ORC3: variants seen among roughly 807,000 people sequenced by gnomAD.
The protein encoded by ORC3 is origin recognition complex subunit 3, also known as homolog of latheo, Drosophila.
ORC3 carries 78 observed loss-of-function variants against 100.7 expected under a neutral mutation model. The observed-to-expected ratio is 0.77, with a 90% CI of 0.65 to 0.94. ORC3 has a LOEUF of 0.94. Ranked by LOEUF, ORC3 falls within the 40% of genes least tolerant of loss-of-function variation. The probability of loss-of-function intolerance (pLI) is 0.00; values close to 1 mark genes in which losing one functional copy is unlikely to be tolerated. For synonymous variants in ORC3, 295 were observed against 289.3 expected (o/e 1.02, Z -0.20); for missense variants, 789 against 823.9 (o/e 0.96, Z 0.52).
Position 87,594,366 on chromosome 6 carries a change from T to G in ORC3, c.38T>G (p.Phe13Cys). The part of the protein sequence containing the change: ...TSSMSKGCFV[F>C]KPNSKKRKIS... ...TTCTTTTTATAGGGTTGCTTTGTTT[T>G]TAAGCCAAACTCCAAAAAGAGAAAG... is the stretch of plus-strand genomic sequence containing the variant. The change falls in exon 2 of 20, where the codon TTT (phenylalanine) becomes TGT (cysteine). Residue 13 changes from phenylalanine (F) to cysteine (C), a missense_variant. By Grantham distance (205) the Phe-to-Cys change is radical (BLOSUM62 -2). This residue lies in a region of ORC3 where 399 missense variants were observed against 382.0 expected (regional missense o/e 1.04). Transcript: ENST00000392844. 6.3e-7 allele frequency: 1 copy of G among 1,585,898 alleles called. No individual in the cohort carries two copies. The highest frequency in any genetic ancestry group is 8.6e-7 in the Non-Finnish European group (1 of 1,160,496).
downstream of ORC3, among the ~76,000 whole-genome samples, chr6:87,668,082 G>A (rs1030083386): frequency 5.3e-5 from 8 of 152,122 alleles, no homozygotes; most frequent in Non-Finnish European, 8.8e-5. Context: ...ATGACATCTC[G>A]ATCTCTTCTA....
chr6:87,634,747 C>A, intron 11 of ORC3, 98 bp from the exon 12 acceptor site: 1 of 574,232 alleles, frequency 1.7e-6, no homozygotes, highest in Non-Finnish European at 3.1e-6. Flanking sequence ...TGAATCTTGT[C>A]AGTTTTCCAG....
downstream of ORC3, among the ~76,000 whole-genome samples, chr6:87,667,904 G>C (rs1476013051): frequency 6.6e-6 from 1 of 151,770 alleles, no homozygotes; most frequent in East Asian, 1.9e-4. Context: ...CTCCAGCCTG[G>C]GTGACAGAGT....
chr6:87,590,990 C>G (rs1479339354), intron 1 of ORC3, among the ~76,000 whole-genome samples: 1 of 152,110 alleles, frequency 6.6e-6, no homozygotes, highest in African/African-American at 2.4e-5. Flanking sequence ...AAGATAAGCC[C>G]TAGAGCTGTA....
intron 6 of ORC3, among the ~76,000 whole-genome samples, chr6:87,608,212 A>G (rs1778488584): frequency 6.6e-6 from 1 of 152,212 alleles, no homozygotes; most frequent in African/African-American, 2.4e-5. Flanking sequence ...GCTAGTATCC[A>G]CTGTCAACTT....
chr6:87,644,669 C>T (rs975527700), intron 13 of ORC3, among the ~76,000 whole-genome samples: 2 of 151,378 alleles, frequency 1.3e-5, no homozygotes, highest in Admixed American at 6.6e-5. Context: ...GCTAACATGG[C>T]GAAACCCCGT....
At chr6:87,612,300 T>G in intron 8 of ORC3, 52 bp downstream of exon 8, 1 of 1,283,374 alleles carries the variant, frequency 7.8e-7, no homozygotes, top group Non-Finnish European at 1.1e-6. Context: ...AAACTGCCAA[T>G]AATAGATTGT....
intron 17 of ORC3, among the ~76,000 whole-genome samples, chr6:87,663,592 G>C (rs891517816): frequency 1.2e-4 from 19 of 152,340 alleles, no homozygotes; most frequent in African/African-American, 4.3e-4. Context: ...AACAAAGAAA[G>C]GTCTATTCTG....
intron 11 of ORC3, among the ~76,000 whole-genome samples, chr6:87,623,809 G>A (rs1278440965): frequency 1.3e-5 from 2 of 152,056 alleles, no homozygotes; most frequent in African/African-American, 2.4e-5. Context: ...ACTGGAACCT[G>A]GGAGGTGGAG....
intron 1 of ORC3, among the ~76,000 whole-genome samples, chr6:87,592,993 T>G (rs1454036516): frequency 1.3e-5 from 2 of 152,060 alleles, no homozygotes; most frequent in Non-Finnish European, 2.9e-5. Flanking sequence ...CTCAGGAGGC[T>G]GAGGCAGGAG....
chr6:87,648,519 C>T (rs1768983007), intron 13 of ORC3, among the ~76,000 whole-genome samples: 1 of 152,114 alleles, frequency 6.6e-6, no homozygotes, highest in Non-Finnish European at 1.5e-5. Flanking sequence ...TGCAATATAG[C>T]ATGCTCAGTA....
At chr6:87,596,244 C>T (rs1261576797) in intron 2 of ORC3, among the ~76,000 whole-genome samples, 1 of 151,988 alleles carries the variant, frequency 6.6e-6, no homozygotes, top group East Asian at 1.9e-4. Flanking sequence ...AGCGATTCTC[C>T]TGCCTCAGTC....
At chr6:87,655,380 G>A (rs1180611715) in intron 14 of ORC3, among the ~76,000 whole-genome samples, 9 of 145,872 alleles carry the variant, frequency 6.2e-5, no homozygotes, top group African/African-American at 2.3e-4. Context: ...TGGAGACAGA[G>A]TCTCCCACTG....
intron 11 of ORC3, among the ~76,000 whole-genome samples, chr6:87,634,400 A>G (rs1467100847): frequency 1.3e-5 from 2 of 152,252 alleles, no homozygotes; most frequent in East Asian, 1.9e-4. Flanking sequence ...AGTATGCAAC[A>G]TAAGCAGAAC....
At chr6:87,653,653 C>A (rs1769447167) in intron 14 of ORC3, among the ~76,000 whole-genome samples, 1 of 152,198 alleles carries the variant, frequency 6.6e-6, no homozygotes, top group Admixed American at 6.5e-5. Context: ...CATAAATCAT[C>A]TGTAAGCTTG....
chr6:87,601,659 G>C, intron 2 of ORC3, 125 bp from the exon 3 acceptor site: 1 of 607,258 alleles, frequency 1.6e-6, no homozygotes, highest in Non-Finnish European at 3.0e-6. Context: ...GTGACAGAGT[G>C]AGACTCCATA....
chr6:87,641,225 G>A (rs1346703446), intron 13 of ORC3, among the ~76,000 whole-genome samples: 1 of 152,164 alleles, frequency 6.6e-6, no homozygotes, highest in Non-Finnish European at 1.5e-5. Flanking sequence ...ATAATGAAAA[G>A]TGTGCCCCAC....
chr6:87,667,785 C>T (rs1012466773), downstream of ORC3, among the ~76,000 whole-genome samples: 1 of 152,060 alleles, frequency 6.6e-6, no homozygotes, highest in Non-Finnish European at 1.5e-5. Flanking sequence ...AAAAATTAGC[C>T]AGGTGTGGTG....
chr6:87,674,640 A>G, the ORC3 span, among the ~76,000 whole-genome samples: 1 of 145,786 alleles, frequency 6.9e-6, no homozygotes, highest in Non-Finnish European at 1.5e-5. Context: ...ATATATATAT[A>G]TATTTTTTTT....
Sources: allele counts gnomAD v4.1 joint callset (sites outside exome capture counted in the v4.1 genomes callset), GRCh38; gene constraint gnomAD v4.1.1; regional missense constraint gnomAD v4.1.1; transcripts MANE v1.5; gene names NCBI Gene and HGNC (gene_info 2026-07-23, HGNC 2026-07-21).